RUNX1: variants seen among roughly 807,000 people sequenced by gnomAD.
RUNX1 encodes the protein RUNX family transcription factor 1.
In RUNX1, 19 loss-of-function variants were observed where a neutral mutation model predicts 42.8. The ratio of observed to expected loss-of-function variants is 0.44; its 90% CI spans 0.31 to 0.65. RUNX1 has a LOEUF of 0.65. RUNX1 is among the 30% of genes least tolerant of loss of function. RUNX1 has a pLI of 0.07. For synonymous variants in RUNX1, 271 were observed against 289.4 expected (o/e 0.94, Z 0.64); for missense variants, 528 against 672.0 (o/e 0.79, Z 2.37).
chr21:34,877,907 G>A (rs943716703), intron 5 of RUNX1, among the ~76,000 whole-genome samples: 1 of 152,164 alleles, frequency 6.6e-6, no homozygotes, highest in Admixed American at 6.5e-5. Flanking sequence ...CATCAGACTG[G>A]TGGCTTTTGA....
chr21:35,026,072 A>G (rs951099699), intron 2 of RUNX1, among the ~76,000 whole-genome samples: 3 of 152,198 alleles, frequency 2.0e-5, no homozygotes, highest in Admixed American at 2.0e-4. Flanking sequence ...AAAGGGACTC[A>G]ATCAACCCCA....
chr21:34,947,392 T>A lies in RUNX1; in HGVS notation c.59-54429A>T, dbSNP rs551221389. 7.2e-5 allele frequency among the ~76,000 whole-genome samples: 11 copies of A among 152,318 alleles called. No homozygotes were observed. In the East Asian group the frequency reaches 1.9e-3, roughly 27 times the overall value. The stretch of plus-strand genomic sequence containing the variant: ...GATGACTTTTTACAAGGCTTCTAGG[T>A]GGGGCAGCTTTTAGAATAAAGATGA... On this transcript the variant is annotated intron_variant, in intron 2 of 8. Coordinates refer to ENST00000675419, the MANE Select transcript of RUNX1 (RefSeq NM_001754.5).
rs1339574833 is a variant in RUNX1, at chr21:34,887,076, A to T, written c.118T>A (p.Phe40Ile). ...CTCAGCGCGGTGGAAGGCGGCGTGA[A>T]GCGGCGGCTCGTGCTGGCATCTACG... is the stretch of plus-strand genomic sequence containing the variant. ...DVHDASTSRRFTPPSTALSPG... is the reference protein window; with the variant it reads ...DVHDASTSRRITPPSTALSPG... The change falls in exon 4 of 9, where the codon TTC becomes ATC. Residue 40 changes from phenylalanine to isoleucine, a missense_variant. Phe to Ile is a conservative substitution (Grantham distance 21). Around this residue, in one of 3 missense-constraint regions of RUNX1, gnomAD observed 114 missense variants for 115.0 expected, o/e 0.99. Transcript: ENST00000675419. 1 of 1,598,718 alleles carries T rather than the reference A, an allele frequency of 6.3e-7. No individual in the cohort carries two copies. The highest frequency in any genetic ancestry group is 8.5e-7 in the Non-Finnish European group (1 of 1,179,844).
At chr21:34,941,767 A>G (rs1293198847) in intron 2 of RUNX1, among the ~76,000 whole-genome samples, 1 of 152,136 alleles carries the variant, frequency 6.6e-6, no homozygotes, top group Non-Finnish European at 1.5e-5. Context: ...TGGAAGGCTG[A>G]AAATAGTTTT....
chr21:35,038,021 C>T (rs2059322426), intron 2 of RUNX1, among the ~76,000 whole-genome samples: 1 of 151,958 alleles, frequency 6.6e-6, no homozygotes. Flanking sequence ...TCCCTAGCCT[C>T]CCTTTGGTGG....
intron 8 of RUNX1, among the ~76,000 whole-genome samples, chr21:34,794,388 TAC>T (rs2056495676): frequency 6.6e-6 from 1 of 152,208 alleles, no homozygotes; most frequent in East Asian, 1.9e-4. Context: ...TCTACTTTCA[TAC>T]TAGTTCCACA....
At chr21:34,844,643 C>T (rs1345355703) in intron 6 of RUNX1, among the ~76,000 whole-genome samples, 2 of 152,210 alleles carry the variant, frequency 1.3e-5, no homozygotes, top group African/African-American at 2.4e-5. Context: ...TAGATTTATT[C>T]TGGAATGCTC....
chr21:34,799,347 G>T lies in RUNX1; in HGVS notation c.921C>A (p.Ala307=). 1 of 1,614,204 alleles carries T rather than the reference G, an allele frequency of 6.2e-7. No individual in the cohort carries two copies. Among genetic ancestry groups the T allele is most frequent in the Non-Finnish European group, 8.5e-7 (1 of 1,180,044 alleles). ...HPATPISPGR[A]SGMTTLSAEL... ...CTGCAGAGAGGGTTGTCATGCCGCT[G>T]GCACGTCCAGGTGAAATGGGCGTTG... is the stretch of plus-strand genomic sequence containing the variant. Residue 307 remains alanine (A), a synonymous_variant, in exon 8 of 9, where the codon GCC becomes GCA. Transcript: ENST00000675419.
In RUNX1 at chr21:34,834,743, C is replaced by T. The variant is rs933283921; in HGVS notation, c.614-142G>A. On this transcript the variant is annotated intron_variant, in intron 6 of 8. Transcript: ENST00000675419. ...CTCCCCTCACCCCAACATAGACTCG[C>T]TAGAGATATGCCAGCTGAATTTGGG... 33 of 746,308 alleles carry T rather than the reference C, an allele frequency of 4.4e-5. No individual in the cohort carries two copies. In the Admixed American group the frequency reaches 6.9e-4, roughly 16 times the overall value. The allele number at this position is 746,308 out of a possible 1,614,324, so 46.2% of individuals were successfully genotyped here. A position where few individuals can be genotyped will look rare whatever the true frequency, so the allele number is the denominator to read the frequency against.
intron 6 of RUNX1, among the ~76,000 whole-genome samples, chr21:34,840,047 GTGTGACCGTCTC>G (rs1369413470): frequency 3.9e-5 from 6 of 152,170 alleles, no homozygotes; most frequent in African/African-American, 1.4e-4. Context: ...ATAGGCCGGT[GTGTGACCGTCTC>G]TGTCTCCTAC....
At chr21:34,885,345 C>T (rs2057966982) in intron 4 of RUNX1, among the ~76,000 whole-genome samples, 1 of 152,158 alleles carries the variant, frequency 6.6e-6, no homozygotes, top group Admixed American at 6.5e-5. Flanking sequence ...TCGCTGAGTC[C>T]ATTTAGGCAA....
At chr21:35,011,249 A>G (rs576354869) in intron 2 of RUNX1, among the ~76,000 whole-genome samples, 21 of 152,324 alleles carry the variant, frequency 1.4e-4, no homozygotes, top group African/African-American at 5.1e-4. Context: ...GTAGTTCAGG[A>G]ATAGTGAAGA....
intron 2 of RUNX1, among the ~76,000 whole-genome samples, chr21:34,899,556 C>T (rs2058160853): frequency 6.6e-6 from 1 of 152,156 alleles, no homozygotes; most frequent in Non-Finnish European, 1.5e-5. Context: ...TTATAGCAGC[C>T]TGAGCTGACC....
intron 2 of RUNX1, among the ~76,000 whole-genome samples, chr21:35,039,146 G>C (rs151267826): frequency 4.2e-4 from 64 of 152,334 alleles, no homozygotes; most frequent in African/African-American, 1.5e-3. Context: ...GATTTAACCT[G>C]CAAAGGATTG....
chr21:34,975,637 T>C (rs2058796117), intron 2 of RUNX1, among the ~76,000 whole-genome samples: 1 of 152,162 alleles, frequency 6.6e-6, no homozygotes, highest in South Asian at 2.1e-4. Context: ...TGGAAAGTGC[T>C]AAACTTCCTA....
intron 2 of RUNX1, among the ~76,000 whole-genome samples, chr21:34,906,973 C>T (rs190033352): frequency 1.3e-4 from 20 of 152,290 alleles, no homozygotes; most frequent in South Asian, 4.1e-4. Flanking sequence ...GTCACGTGCC[C>T]TTTTGTGGGA....
At chr21:34,990,227 G>A (rs1376123225) in intron 2 of RUNX1, among the ~76,000 whole-genome samples, 2 of 152,112 alleles carry the variant, frequency 1.3e-5, no homozygotes, top group South Asian at 2.1e-4. Context: ...TGAGGCATCA[G>A]ATCCGACAAA....
At chr21:34,957,110 G>T (rs922870026) in intron 2 of RUNX1, among the ~76,000 whole-genome samples, 7 of 152,208 alleles carry the variant, frequency 4.6e-5, no homozygotes, top group Non-Finnish European at 8.8e-5. Context: ...TTTGTGACCT[G>T]ATGCTCACCT....
chr21:34,855,503 G>A (rs150557871), intron 6 of RUNX1, among the ~76,000 whole-genome samples: 58 of 152,210 alleles, frequency 3.8e-4, no homozygotes, highest in Admixed American at 1.5e-3. Flanking sequence ...TCAGGAGTTC[G>A]AGACCAGGCT....
Sources: allele counts gnomAD v4.1 joint callset (sites outside exome capture counted in the v4.1 genomes callset), GRCh38; gene constraint gnomAD v4.1.1; regional missense constraint gnomAD v4.1.1; transcripts MANE v1.5; gene names NCBI Gene and HGNC (gene_info 2026-07-23, HGNC 2026-07-21).